The following USP20 variants were observed in gnomAD, a reference collection of about 807,000 sequenced individuals.
USP20 encodes ubiquitin carboxyl-terminal hydrolase 20.
Under a neutral mutation model 124.2 loss-of-function variants are expected in USP20, and 80 were observed. The ratio of observed to expected loss-of-function variants is 0.64; its 90% CI spans 0.54 to 0.78. USP20 has a LOEUF of 0.78. Ranked by LOEUF, USP20 falls within the 30% of genes least tolerant of loss-of-function variation. USP20 has a pLI of 0.00. For missense variants in USP20, 1,043 were observed against 1,244.4 expected (o/e 0.84, Z 2.44); for synonymous variants, 481 against 512.3 (o/e 0.94, Z 0.83).
chr9:129,875,287 C>G (rs374654069), intron 19 of USP20, 23 bp from the exon 20 acceptor site: 1 of 1,582,980 alleles, frequency 6.3e-7, no homozygotes, highest in Non-Finnish European at 8.6e-7. Flanking sequence ...GGCACAGCTT[C>G]TCGCCCCCTC....
At chr9:129,844,782 A>G (rs1256531607) in intron 1 of USP20, among the ~76,000 whole-genome samples, 1 of 151,918 alleles carries the variant, frequency 6.6e-6, no homozygotes, top group Admixed American at 6.6e-5. Flanking sequence ...CTATGAAGGT[A>G]TATATCAAAT....
At position 129,875,401 on chromosome 9, in the gene USP20, C is replaced by A; in HGVS notation, c.2140C>A (p.Arg714Ser). ...EPSLLRFYVS[R>S]EWLNKFNTFA... ...CAGCCTGCTGCGGTTCTACGTGTCC[C>A]GCGAGTGGCTCAACAAGTTCAACAC... Residue 714 changes from arginine (R) to serine (S), a missense_variant, in exon 20 of 26, where the codon CGC becomes AGC. Physicochemically the swap from Arg to Ser is moderately radical, Grantham distance 110. Transcript: ENST00000372429. The A allele has an allele frequency of 6.2e-7, 1 of 1,613,594 alleles. No homozygotes were observed. The highest frequency in any genetic ancestry group is 8.5e-7 in the Non-Finnish European group (1 of 1,179,964).
In USP20 at chr9:129,852,774, G is replaced by A. The variant is rs183492009; in HGVS notation, c.81+138G>A. Reference sequence around the variant, plus strand: ...GCTTTCTGTGTAAATGGAAATGCTGGCATCTGCTTGGGAGGCCGCCTTCCG... The same window carrying A: ...GCTTTCTGTGTAAATGGAAATGCTGACATCTGCTTGGGAGGCCGCCTTCCG... On this transcript the variant is annotated intron_variant, in intron 3 of 25. Coordinates refer to ENST00000372429, the MANE Select transcript of USP20 (RefSeq NM_001110303.4). 2.6e-3 allele frequency: 2,306 copies of A among 902,598 alleles called. 2 individuals carry two copies. Among genetic ancestry groups the A allele is most frequent in the Admixed American group, 4.0e-3 (151 of 37,874 alleles). The allele number at this position is 902,598 out of a possible 1,614,324, so 55.9% of individuals were successfully genotyped here.
rs2034021693 is a variant in USP20, at chr9:129,869,717, C to A, written c.1438C>A (p.Pro480Thr). The change falls in exon 14 of 26, where the codon CCT (proline) becomes ACT (threonine). Residue 480 changes from proline to threonine, a missense_variant. By Grantham distance (38) the Pro-to-Thr change is conservative (BLOSUM62 -1). Coordinates refer to ENST00000372429, the MANE Select transcript of USP20 (RefSeq NM_001110303.4). ...ETFQDLSLPI[P>T]GKEDLAKLHS... Reference sequence around the variant, plus strand: ...GTTCCAGGACTTATCACTGCCCATTCCTGGAAAGGAGGACCTGGCCAAGCT... The same window carrying A: ...GTTCCAGGACTTATCACTGCCCATTACTGGAAAGGAGGACCTGGCCAAGCT... 2.5e-6 allele frequency: 4 copies of A among 1,614,016 alleles called. No individual in the cohort carries two copies. Among genetic ancestry groups the A allele is most frequent in the Non-Finnish European group, 3.4e-6 (4 of 1,180,048 alleles).
At chr9:129,869,233 CA>C in intron 12 of USP20, 76 bp from the exon 13 acceptor site, 1 of 1,465,360 alleles carries the variant, frequency 6.8e-7, no homozygotes. Flanking sequence ...CACATCCTGT[CA>C]AAGGAAGCCG....
rs770424475 is a variant in USP20, at chr9:129,869,340, G to A, written c.1307G>A (p.Arg436Gln). ...GTATTGAGTGCTGGCAGCCGGAGGC[G>A]GAAGGAGCAGCGCTACCGCAGCGTC... ...AQVLSAGSRR[R>Q]KEQRYRSVIS... The change falls in exon 13 of 26, where the codon CGG (arginine) becomes CAG (glutamine). Residue 436 changes from arginine (R) to glutamine (Q), a missense_variant. Transcript: ENST00000372429. 2.7e-5 allele frequency: 44 copies of A among 1,613,582 alleles called. No individual in the cohort carries two copies. Among genetic ancestry groups the A allele is most frequent in the East Asian group, 4.5e-5 (2 of 44,890 alleles).
Position 129,868,245 on chromosome 9 carries a change from C to A in USP20, c.931C>A (p.Leu311Met). 6.2e-7 allele frequency: 1 copy of A among 1,613,992 alleles called. No individual in the cohort carries two copies. Among genetic ancestry groups the A allele is most frequent in the African/African-American group, 1.3e-5 (1 of 75,044 alleles). The change falls in exon 11 of 26, where the codon CTG (leucine) becomes ATG (methionine). Residue 311 changes from leucine to methionine, a missense_variant. Leu to Met is a conservative substitution (Grantham distance 15). Coordinates refer to ENST00000372429, the MANE Select transcript of USP20 (RefSeq NM_001110303.4). ...GGGSSQAETE[L>M]LIPDEAGRAI... ...GGGCAGCTCGCAGGCCGAGACGGAG[C>A]TGCTGATCCCAGATGAGGCGGGCCG...
At chr9:129,862,424 G>A (rs910407770) in intron 8 of USP20, among the ~76,000 whole-genome samples, 1 of 152,102 alleles carries the variant, frequency 6.6e-6, no homozygotes, top group African/African-American at 2.4e-5. Flanking sequence ...GTGGTGGCAC[G>A]CACCTGTAGT....
At chr9:129,858,389 G>A (rs1413427357) in intron 5 of USP20, 78 bp from the exon 6 acceptor site, 1 of 1,592,330 alleles carries the variant, frequency 6.3e-7, no homozygotes, top group African/African-American at 1.4e-5. Flanking sequence ...AGAGGCTGGG[G>A]AGCGGAGCAG....
At chr9:129,870,570 G>C in intron 15 of USP20, 23 bp downstream of exon 15, 1 of 1,613,414 alleles carries the variant, frequency 6.2e-7, no homozygotes, top group Non-Finnish European at 8.5e-7. Context: ...GCTGGCAAGG[G>C]TCGGGGAGGT....
At chr9:129,869,090 G>A in intron 12 of USP20, 88 bp downstream of exon 12, 1 of 1,484,802 alleles carries the variant, frequency 6.7e-7, no homozygotes, top group Non-Finnish European at 9.0e-7. Flanking sequence ...CCCTGTGGCG[G>A]AGGGCCGGGC....
At chr9:129,841,327 C>T (rs1588236805) in intron 1 of USP20, among the ~76,000 whole-genome samples, 1 of 152,154 alleles carries the variant, frequency 6.6e-6, no homozygotes, top group Admixed American at 6.5e-5. Context: ...ATAAAGATAC[C>T]AGTAAGATTA....
chr9:129,861,053 G>A lies in USP20; in HGVS notation c.427+20G>A. The stretch of plus-strand genomic sequence containing the variant: ...CTCGAGGTAATGGCCCCCACAGCAG[G>A]GGAAGCTGATGGGCTGGGCTGGGGG... On this transcript the variant is annotated intron_variant, in intron 7 of 25. Transcript: ENST00000372429. 6.2e-7 allele frequency: 1 copy of A among 1,611,034 alleles called. No individual in the cohort carries two copies. The highest frequency in any genetic ancestry group is 2.2e-5 in the East Asian group (1 of 44,866).
chr9:129,859,288 T>TTATTTATTTTATTTTA (rs1344090444), intron 6 of USP20, among the ~76,000 whole-genome samples: 1 of 139,408 alleles, frequency 7.2e-6, no homozygotes, highest in Non-Finnish European at 1.6e-5. Flanking sequence ...TATTTTAATT[T>TTATTTATTTTATTTTA]TTTGAGACCG....
chr9:129,879,977 C>T lies in USP20; in HGVS notation c.2585-136C>T, dbSNP rs899853109. On this transcript the variant is annotated intron_variant, in intron 24 of 25. Coordinates refer to ENST00000372429, the MANE Select transcript of USP20 (RefSeq NM_001110303.4). This position sits in a 1 kb window ranked among gnomAD's most constrained non-coding sequence, Gnocchi z 4.2. ...TCCTCTGGGAAATCCTGATTTCCAT[C>T]TGACAGCTTTGCATAGAAGCCCTGG... 1.9e-6 allele frequency: 2 copies of T among 1,068,136 alleles called. No homozygotes were observed. The highest frequency in any genetic ancestry group is 2.7e-6 in the Non-Finnish European group (2 of 750,882). The allele number at this position is 1,068,136 out of a possible 1,614,324, so 66.2% of individuals were successfully genotyped here. A position where few individuals can be genotyped will look rare whatever the true frequency, so the allele number is the denominator to read the frequency against.
At chr9:129,846,378 C>G (rs1164883109) in intron 1 of USP20, among the ~76,000 whole-genome samples, 3 of 148,116 alleles carry the variant, frequency 2.0e-5, no homozygotes. Flanking sequence ...ATCACAGCTT[C>G]CCGAGTAGCT....
intron 22 of USP20, among the ~76,000 whole-genome samples, chr9:129,876,657 A>C (rs1310745492): frequency 6.6e-6 from 1 of 151,704 alleles, no homozygotes; most frequent in East Asian, 1.9e-4. Context: ...AAAAAAAAGA[A>C]AAAGAAAAGA....
intron 1 of USP20, 132 bp downstream of exon 1, chr9:129,835,631 C>T (rs1252336167): frequency 1.3e-5 from 2 of 157,582 alleles, no homozygotes; most frequent in East Asian, 1.9e-4. Flanking sequence ...TGAGCGGAGC[C>T]CGGGACCCCC....
intron 10 of USP20, among the ~76,000 whole-genome samples, chr9:129,867,030 A>C (rs574878502): frequency 5.5e-4 from 84 of 152,228 alleles, no homozygotes; most frequent in Non-Finnish European, 9.7e-4. Flanking sequence ...CAGATGTGTG[A>C]CATGAGGCTG....
Sources: gnomAD v4.1 joint callset for allele counts (sites outside exome capture counted in the v4.1 genomes callset) on GRCh38, gnomAD v4.1.1 for gene constraint, Gnocchi (gnomAD v3.1) non-coding constraint, MANE v1.5 for transcripts, NCBI Gene and HGNC (gene_info 2026-07-23, HGNC 2026-07-21) for gene names.